The following ZBTB38 variants were observed in gnomAD, a reference collection of about 807,000 sequenced individuals.
ZBTB38 encodes the protein zinc finger and BTB domain containing 38.
In ZBTB38, 20 loss-of-function variants were observed where a neutral mutation model predicts 76.8. The ratio of observed to expected loss-of-function variants is 0.26; its 90% CI spans 0.18 to 0.38. ZBTB38 has a LOEUF of 0.38. ZBTB38 is among the 10% of genes least tolerant of loss of function. The pLI is 1.00. For synonymous variants in ZBTB38, 504 were observed against 544.2 expected, an observed-to-expected ratio of 0.93 and a Z score of 1.03; for missense variants, 1,082 against 1,482.3, an observed-to-expected ratio of 0.73 and a Z score of 4.43.
intron 5 of ZBTB38, among the ~76,000 whole-genome samples, chr3:141,412,499 T>C (rs1017193633): frequency 1.1e-4 from 17 of 152,100 alleles, no homozygotes; most frequent in Non-Finnish European, 2.9e-5. Flanking sequence ...TTTAGATCAG[T>C]ATATTTAAAG....
chr3:141,395,267 T>G (rs1950092584), intron 4 of ZBTB38, among the ~76,000 whole-genome samples: 1 of 152,226 alleles, frequency 6.6e-6, no homozygotes, highest in African/African-American at 2.4e-5. Flanking sequence ...AACATCAGGT[T>G]ACTGCAGGTA....
At chr3:141,400,098 G>C (rs1368692484) in intron 4 of ZBTB38, among the ~76,000 whole-genome samples, 1 of 135,904 alleles carries the variant, frequency 7.4e-6, no homozygotes, top group Non-Finnish European at 1.5e-5. Context: ...TTACAGAAAA[G>C]AAAATAATTA....
At chr3:141,344,899 G>A (rs1943301008) in intron 1 of ZBTB38, among the ~76,000 whole-genome samples, 1 of 152,186 alleles carries the variant, frequency 6.6e-6, no homozygotes, top group Non-Finnish European at 1.5e-5. Flanking sequence ...ACATGATCTT[G>A]GAATTAGGAC....
At chr3:141,352,077 A>G (rs1943533760) in intron 1 of ZBTB38, among the ~76,000 whole-genome samples, 1 of 152,278 alleles carries the variant, frequency 6.6e-6, no homozygotes, top group East Asian at 1.9e-4. Context: ...GTTTTGGCCT[A>G]ATGCTGCAGA....
chr3:141,378,386 T>C (rs555969814), intron 2 of ZBTB38, among the ~76,000 whole-genome samples: 1 of 152,102 alleles, frequency 6.6e-6, no homozygotes, highest in African/African-American at 2.4e-5. Flanking sequence ...ACAGAGTGCA[T>C]GTAAAAACTG....
chr3:141,443,338 A>G lies in ZBTB38; in HGVS notation c.950A>G (p.His317Arg). Residue 317 changes from histidine (H) to arginine (R), a missense_variant, in exon 6 of 6, where the codon CAT (histidine) becomes CGT (arginine). Physicochemically the swap from His to Arg is conservative, Grantham distance 29 (BLOSUM62 0). This residue lies in a region of ZBTB38 where 324 missense variants were observed against 359.1 expected (regional missense o/e 0.90). Transcript: ENST00000321464. This position sits in a 1 kb window ranked among gnomAD's most constrained non-coding sequence, Gnocchi z 5.6. The part of the protein sequence containing the change: ...SKSPNNEGDV[H>R]FSREDENQSS... ...TCTCCAAACAATGAAGGAGATGTCC[A>G]TTTTTCCAGGGAAGATGAAAATCAA... 1 of 1,614,112 alleles carries G rather than the reference A, an allele frequency of 6.2e-7. No individual in the cohort carries two copies. Among genetic ancestry groups the G allele is most frequent in the Non-Finnish European group, 8.5e-7 (1 of 1,180,034 alleles).
intron 1 of ZBTB38, among the ~76,000 whole-genome samples, chr3:141,341,111 T>G (rs1051379629): frequency 6.6e-6 from 1 of 152,106 alleles, no homozygotes; most frequent in Non-Finnish European, 1.5e-5. Flanking sequence ...AGATACCACT[T>G]CACATCCTCT....
rs953009870 is a variant in ZBTB38 at position 141,445,369 on chromosome 3, G to A, written c.2981G>A (p.Gly994Glu). Residue 994 changes from glycine (G) to glutamate (E), a missense_variant, in exon 6 of 6, where the codon GGG becomes GAG. Transcript: ENST00000321464. The surrounding 1 kb of genome is among the most constrained non-coding windows in gnomAD (Gnocchi z 6.5). Reference sequence around the variant, plus strand: ...CTCTGTGATGGAGACAAAGCAGTGGGGGCTGGAAACCAAGGAAGGCCCCAC... The same window carrying A: ...CTCTGTGATGGAGACAAAGCAGTGGAGGCTGGAAACCAAGGAAGGCCCCAC... ...CELCDGDKAV[G>E]AGNQGRPHRH... is the part of the protein sequence containing the mutation. 3 of 1,614,014 alleles carry A rather than the reference G, an allele frequency of 1.9e-6. No homozygotes were observed. The highest frequency in any genetic ancestry group is 1.7e-5 in the Admixed American group (1 of 59,996).
chr3:141,431,341 A>AAAAAATATATATATATATATATATAT, intron 5 of ZBTB38, among the ~76,000 whole-genome samples: 1 of 103,294 alleles, frequency 9.7e-6, no homozygotes, highest in African/African-American at 6.0e-5. Flanking sequence ...AAAAAAAAAA[A>AAAAAATATATATATATATATATATAT]ATATATATAT....
chr3:141,384,363 T>TTA (rs1310848378), intron 3 of ZBTB38, among the ~76,000 whole-genome samples: 1 of 152,262 alleles, frequency 6.6e-6, no homozygotes, highest in East Asian at 1.9e-4. Context: ...TCACTGTCAT[T>TTA]TATTATTCCC....
intron 1 of ZBTB38, among the ~76,000 whole-genome samples, chr3:141,336,234 G>A (rs1312416836): frequency 6.6e-6 from 1 of 152,136 alleles, no homozygotes; most frequent in Non-Finnish European, 1.5e-5. Context: ...GGCACTGGCT[G>A]GTGCCTGGAT....
chr3:141,391,279 C>T (rs1192274662), intron 4 of ZBTB38, among the ~76,000 whole-genome samples: 9 of 152,146 alleles, frequency 5.9e-5, no homozygotes, highest in East Asian at 3.8e-4. Flanking sequence ...AAGTGAAGAT[C>T]GTGTGCTGAG....
chr3:141,333,133 G>C (rs1942902047), intron 1 of ZBTB38, among the ~76,000 whole-genome samples: 1 of 152,194 alleles, frequency 6.6e-6, no homozygotes, highest in South Asian at 2.1e-4. Context: ...ATCCTTAGCA[G>C]GCCTTTGAGG....
chr3:141,445,007 G>A lies in ZBTB38; in HGVS notation c.2619G>A (p.Glu873=). The A allele has an allele frequency of 6.2e-7, 1 of 1,614,194 alleles. No homozygotes were observed. Among genetic ancestry groups the A allele is most frequent in the Non-Finnish European group, 8.5e-7 (1 of 1,180,030 alleles). Residue 873 remains glutamate (E), a synonymous_variant, in exon 6 of 6, where the codon GAG becomes GAA. Coordinates refer to ENST00000321464, the MANE Select transcript of ZBTB38 (RefSeq NM_001376113.1). The surrounding 1 kb of genome is among the most constrained non-coding windows in gnomAD (Gnocchi z 6.5). The part of the protein sequence containing the change: ...GRRPKYQMQE[E]PLPQGNDPEP... ...GACCCAAGTATCAGATGCAGGAGGA[G>A]CCTTTGCCACAGGGGAATGACCCAG...
rs1455888545 is a variant in ZBTB38 at position 141,445,560 on chromosome 3, C to T, written c.3172C>T (p.Arg1058Cys). 6 of 1,614,054 alleles carry T rather than the reference C, an allele frequency of 3.7e-6. No homozygotes were observed. The highest frequency in any genetic ancestry group is 5.1e-6 in the Non-Finnish European group (6 of 1,180,052). Reference sequence around the variant, plus strand: ...GCAAGGAAACTTACAGAAACATGAACGCATCCACCTGGGCTTGAAGGAGTT... The same window carrying T: ...GCAAGGAAACTTACAGAAACATGAATGCATCCACCTGGGCTTGAAGGAGTT... ...SVQGNLQKHE[R>C]IHLGLKEFVC... Residue 1058 changes from arginine (R) to cysteine (C), a missense_variant, in exon 6 of 6, where the codon CGC becomes TGC. Around this residue, in one of 8 missense-constraint regions of ZBTB38, gnomAD observed 69 missense variants for 148.2 expected, o/e 0.47. Transcript: ENST00000321464. This position sits in a 1 kb window ranked among gnomAD's most constrained non-coding sequence, Gnocchi z 6.5.
At position 141,442,790 on chromosome 3, in the gene ZBTB38, T is replaced by C; in HGVS notation, c.402T>C (p.Tyr134=). ...ACTTCTCAAATTCCCCGGGTCCCTA[T>C]GTATTCTGTATTACTGAAAAGGGAG... ...DRNFSNSPGP[Y]VFCITEKGVV... is the part of the protein sequence containing the mutation. The change falls in exon 6 of 6, where the codon TAT becomes TAC. Residue 134 remains tyrosine, a synonymous_variant. Coordinates refer to ENST00000321464, the MANE Select transcript of ZBTB38 (RefSeq NM_001376113.1). This position sits in a 1 kb window ranked among gnomAD's most constrained non-coding sequence, Gnocchi z 6.4. 1 of 1,614,118 alleles carries C rather than the reference T, an allele frequency of 6.2e-7. No homozygotes were observed. The highest frequency in any genetic ancestry group is 8.5e-7 in the Non-Finnish European group (1 of 1,180,008).
Position 141,444,436 on chromosome 3 carries a change from G to A in ZBTB38, c.2048G>A (p.Ser683Asn), listed in dbSNP as rs2080812680. The stretch of plus-strand genomic sequence containing the variant: ...GTTTCTTCCACTGAAAATGCTGTCA[G>A]TTCTGACCTCCGGGCAGGGGATGTA... ...VSVSSTENAVSSDLRAGDVPV... is the reference protein window; with the variant it reads ...VSVSSTENAVNSDLRAGDVPV... Residue 683 changes from serine (S) to asparagine (N), a missense_variant, in exon 6 of 6, where the codon AGT becomes AAT. By Grantham distance (46) the Ser-to-Asn change is conservative (BLOSUM62 1). This residue lies in a region of ZBTB38 where 471 missense variants were observed against 581.0 expected (regional missense o/e 0.81). Transcript: ENST00000321464. The surrounding 1 kb of genome is among the most constrained non-coding windows in gnomAD (Gnocchi z 5.1). 6.2e-7 allele frequency: 1 copy of A among 1,614,084 alleles called. No homozygotes were observed. Among genetic ancestry groups the A allele is most frequent in the Non-Finnish European group, 8.5e-7 (1 of 1,180,044 alleles).
intron 1 of ZBTB38, among the ~76,000 whole-genome samples, chr3:141,341,427 G>A (rs767637945): frequency 1.4e-4 from 22 of 152,150 alleles, no homozygotes; most frequent in East Asian, 1.9e-4. Flanking sequence ...GAAATAAACC[G>A]AACGTCCATC....
intron 5 of ZBTB38, among the ~76,000 whole-genome samples, chr3:141,421,798 G>T (rs1276045161): frequency 6.6e-6 from 1 of 152,190 alleles, no homozygotes; most frequent in East Asian, 1.9e-4. Context: ...TGTGCTTTTT[G>T]TTATCTAAAA....
Sources: allele counts gnomAD v4.1 joint callset (sites outside exome capture counted in the v4.1 genomes callset), GRCh38; gene constraint gnomAD v4.1.1; regional missense constraint gnomAD v4.1.1; non-coding constraint Gnocchi (gnomAD v3.1); transcripts MANE v1.5; gene names NCBI Gene and HGNC (gene_info 2026-07-23, HGNC 2026-07-21).